SOX5: variants seen among roughly 807,000 people sequenced by gnomAD.
The protein encoded by SOX5 is transcription factor SOX-5.
Under a neutral mutation model 92.0 loss-of-function variants are expected in SOX5, and 9 were observed. That is an observed-to-expected ratio of 0.10 (90% CI 0.06 to 0.17). The LOEUF (loss-of-function observed/expected upper bound fraction) is 0.17. SOX5 is among the 10% of genes least tolerant of loss of function. The pLI, the probability that SOX5 is intolerant of heterozygous loss-of-function variation, is 1.00. For synonymous variants in SOX5, 344 were observed against 336.3 expected, an observed-to-expected ratio of 1.02 and a Z score of -0.25; for missense variants, 642 against 944.5, an observed-to-expected ratio of 0.68 and a Z score of 4.20.
intron 4 of SOX5, among the ~76,000 whole-genome samples, chr12:24,141,227 AT>A (rs2138660195): frequency 6.6e-6 from 1 of 152,248 alleles, no homozygotes; most frequent in Admixed American, 6.5e-5. Flanking sequence ...CTCCTACATG[AT>A]TTAGTCCAGG....
At chr12:24,235,712 T>C (rs1964345161) in intron 3 of SOX5, among the ~76,000 whole-genome samples, 1 of 152,240 alleles carries the variant, frequency 6.6e-6, no homozygotes, top group Non-Finnish European at 1.5e-5. Context: ...ATGTTAATGA[T>C]ACTTAAGTCT....
At chr12:24,530,252 C>T (rs61224642) in intron 1 of SOX5, among the ~76,000 whole-genome samples, 2,884 of 152,188 alleles carry the variant, frequency 0.019, 104 homozygotes, top group African/African-American at 0.065. Flanking sequence ...AAAAATTCTA[C>T]GCACTAAACC....
intron 1 of SOX5, among the ~76,000 whole-genome samples, chr12:23,917,656 T>C (rs1358753540): frequency 6.6e-6 from 1 of 152,206 alleles, no homozygotes; most frequent in Non-Finnish European, 1.5e-5. Flanking sequence ...ACACTTTAAG[T>C]ATCCAAACAC....
chr12:24,294,223 A>C (rs746229156), intron 2 of SOX5, among the ~76,000 whole-genome samples: 4 of 151,536 alleles, frequency 2.6e-5, no homozygotes. Flanking sequence ...AGGCCTTGAG[A>C]CTTTCATTAC....
intron 2 of SOX5, among the ~76,000 whole-genome samples, chr12:23,859,223 G>A (rs896598594): frequency 2.0e-5 from 3 of 152,168 alleles, no homozygotes; most frequent in African/African-American, 2.4e-5. Context: ...ATCTCACAGA[G>A]AGCCTATAGA....
chr12:23,915,104 C>T (rs1011001245), intron 1 of SOX5, among the ~76,000 whole-genome samples: 1 of 152,104 alleles, frequency 6.6e-6, no homozygotes, highest in Non-Finnish European at 1.5e-5. Context: ...TACTTAACCT[C>T]TCTGAGTCCC....
At chr12:24,479,021 T>C (rs1009481078) in intron 1 of SOX5, among the ~76,000 whole-genome samples, 1 of 152,184 alleles carries the variant, frequency 6.6e-6, no homozygotes, top group East Asian at 1.9e-4. Context: ...ATTTTCCCCA[T>C]TGACAGTATG....
chr12:24,460,310 A>G (rs1322821036), intron 1 of SOX5, among the ~76,000 whole-genome samples: 1 of 152,236 alleles, frequency 6.6e-6, no homozygotes, highest in East Asian at 1.9e-4. Context: ...ACAAATGTGT[A>G]GAGTAAATCC....
intron 3 of SOX5, among the ~76,000 whole-genome samples, chr12:24,230,776 G>A (rs1317147801): frequency 6.6e-6 from 1 of 152,140 alleles, no homozygotes; most frequent in African/African-American, 2.4e-5. Flanking sequence ...ATCATGCCCT[G>A]ACACAAAGCT....
chr12:23,833,185 C>T (rs1181079118), intron 3 of SOX5, among the ~76,000 whole-genome samples: 1 of 151,964 alleles, frequency 6.6e-6, no homozygotes, highest in African/African-American at 2.4e-5. Flanking sequence ...TCTGCTACCT[C>T]TGAGGGAAGC....
At chr12:24,539,435 G>A (rs939607525) in intron 1 of SOX5, among the ~76,000 whole-genome samples, 1 of 152,100 alleles carries the variant, frequency 6.6e-6, no homozygotes, top group African/African-American at 2.4e-5. Flanking sequence ...AAAAGGTGAT[G>A]TTACAAAAGT....
At chr12:23,977,054 T>G (rs940750000) in intron 4 of SOX5, among the ~76,000 whole-genome samples, 2 of 152,184 alleles carry the variant, frequency 1.3e-5, no homozygotes, top group Admixed American at 1.3e-4. Flanking sequence ...ATTATCCTTA[T>G]GGAAATATCA....
intron 1 of SOX5, among the ~76,000 whole-genome samples, chr12:24,427,789 T>C (rs2137011406): frequency 6.6e-6 from 1 of 152,298 alleles, no homozygotes; most frequent in East Asian, 1.9e-4. Context: ...ACGGTGGAAA[T>C]ATCTACCAGC....
intron 3 of SOX5, among the ~76,000 whole-genome samples, chr12:23,778,756 TGAA>T (rs2095187327): frequency 6.6e-6 from 1 of 152,122 alleles, no homozygotes; most frequent in Non-Finnish European, 1.5e-5. Flanking sequence ...TCTGGATACT[TGAA>T]GAGAAAAAAT....
intron 6 of SOX5, among the ~76,000 whole-genome samples, chr12:23,699,351 C>G (rs1157792185): frequency 6.6e-6 from 1 of 152,074 alleles, no homozygotes; most frequent in African/African-American, 2.4e-5. Context: ...CTCTGGCTTT[C>G]TAGTTGTTTA....
intron 1 of SOX5, among the ~76,000 whole-genome samples, chr12:24,477,399 G>A (rs922947625): frequency 3.9e-5 from 6 of 152,182 alleles, no homozygotes; most frequent in Non-Finnish European, 4.4e-5. Context: ...CTCCCAAAGT[G>A]CTGGGATTAC....
At chr12:24,072,720 A>G (rs1374379852) in intron 4 of SOX5, among the ~76,000 whole-genome samples, 1 of 152,260 alleles carries the variant, frequency 6.6e-6, no homozygotes, top group Non-Finnish European at 1.5e-5. Context: ...CACCTCAAAG[A>G]GTAAAATAAA....
intron 3 of SOX5, among the ~76,000 whole-genome samples, chr12:24,233,546 A>G (rs1193099550): frequency 6.6e-6 from 1 of 152,224 alleles, no homozygotes; most frequent in African/African-American, 2.4e-5. Flanking sequence ...TCAGACTTCA[A>G]AGTTGCACAT....
At chr12:24,294,353 T>C (rs1341267038) in intron 2 of SOX5, among the ~76,000 whole-genome samples, 2 of 152,116 alleles carry the variant, frequency 1.3e-5, no homozygotes, top group African/African-American at 2.4e-5. Flanking sequence ...ATTCCTTTAT[T>C]TCTCTTCTCT....
Sources: allele counts gnomAD v4.1 joint callset (sites outside exome capture counted in the v4.1 genomes callset), GRCh38; gene constraint gnomAD v4.1.1; transcripts MANE v1.5; gene names NCBI Gene and HGNC (gene_info 2026-07-23, HGNC 2026-07-21).